The following ADARB1 variants were observed in gnomAD, a reference collection of about 807,000 sequenced individuals.
The protein encoded by ADARB1 is adenosine deaminase RNA specific B1, also known as double-stranded RNA-specific editase 1.
A neutral mutation model predicts 52.4 loss-of-function variants in ADARB1; 10 were observed. The ratio of observed to expected loss-of-function variants is 0.19; its 90% CI spans 0.12 to 0.32. The LOEUF is 0.32. ADARB1 is among the 10% of genes least tolerant of loss of function. The pLI, the probability that ADARB1 is intolerant of heterozygous loss-of-function variation, is 1.00. For missense variants in ADARB1, 643 were observed against 922.3 expected (o/e 0.70, Z 3.92); for synonymous variants, 349 against 371.1 (o/e 0.94, Z 0.68).
In ADARB1 at chr21:45,200,327, G is replaced by T. The variant is rs1345482438; in HGVS notation, c.1566-4228G>T. Among the ~76,000 whole-genome samples the T allele has an allele frequency of 6.6e-6, 1 of 152,220 alleles. No homozygotes were observed. Among genetic ancestry groups the T allele is most frequent in the Non-Finnish European group, 1.5e-5 (1 of 68,028 alleles). ...TGCAGCCCCAGAGAGTTGTCCACAAGACCATGGGGTGAGAGGCTCCCATGG... is the reference window on the plus strand; with the variant it reads ...TGCAGCCCCAGAGAGTTGTCCACAATACCATGGGGTGAGAGGCTCCCATGG... On this transcript the variant is annotated intron_variant, in intron 8 of 10. Transcript: ENST00000348831. This position sits in a 1 kb window ranked among gnomAD's most constrained non-coding sequence, Gnocchi z 5.0.
chr21:45,205,686 A>G (rs1159371538), intron 9 of ADARB1, among the ~76,000 whole-genome samples: 1 of 152,234 alleles, frequency 6.6e-6, no homozygotes, highest in Non-Finnish European at 1.5e-5. Context: ...AGTAAAGTGA[A>G]CAGGAGCTTT....
intron 2 of ADARB1, among the ~76,000 whole-genome samples, chr21:45,153,529 T>C (rs1189607207): frequency 6.6e-6 from 1 of 152,170 alleles, no homozygotes; most frequent in African/African-American, 2.4e-5. Flanking sequence ...CACAGGGCCC[T>C]TGGGACATGC....
chr21:45,182,460 G>C (rs1411095062), intron 5 of ADARB1, 125 bp from the exon 6 acceptor site: 1 of 1,024,128 alleles, frequency 9.8e-7, no homozygotes, highest in Non-Finnish European at 1.4e-6. Flanking sequence ...ATGAAGATGA[G>C]CTTGAAAAGT....
At position 45,225,633 on chromosome 21, in the gene ADARB1, G is replaced by C; in HGVS notation, c.*3436G>C. 8.2e-7 allele frequency: 1 copy of C among 1,213,374 alleles called. No homozygotes were observed. Among genetic ancestry groups the C allele is most frequent in the Non-Finnish European group, 1.1e-6 (1 of 931,148 alleles). 75.2% of individuals were successfully genotyped at this position (1,213,374 alleles called of 1,614,324 possible). A position where few individuals can be genotyped will look rare whatever the true frequency, so the allele number is the denominator to read the frequency against. ...CGAAGCTGTGGAGACTGCACATCCG[G>C]ACCTGCCCATGTCTCAAAACAAACA... On this transcript the variant is annotated 3_prime_UTR_variant, in exon 11 of 11. Coordinates refer to ENST00000348831, the MANE Select transcript of ADARB1 (RefSeq NM_001112.4).
chr21:45,095,517 G>C (rs1309733777), intron 1 of ADARB1, among the ~76,000 whole-genome samples: 1 of 152,138 alleles, frequency 6.6e-6, no homozygotes. Context: ...GTTTCCCGAG[G>C]CTTCTGTCTC....
chr21:45,201,691 A>G (rs2092556762), intron 8 of ADARB1, among the ~76,000 whole-genome samples: 2 of 152,220 alleles, frequency 1.3e-5, no homozygotes, highest in Non-Finnish European at 2.9e-5. Flanking sequence ...GTCAGTAAAG[A>G]AAGCAGACAG....
rs915416878 is a variant in ADARB1, at chr21:45,176,813, T to C, written c.963+149T>C. The C allele has an allele frequency of 2.1e-6, 2 of 956,656 alleles. No individual in the cohort carries two copies. The highest frequency in any genetic ancestry group is 2.7e-5 in the East Asian group (1 of 37,708). 59.3% of individuals were successfully genotyped at this position (956,656 alleles called of 1,614,324 possible). On this transcript the variant is annotated intron_variant, in intron 4 of 10. Transcript: ENST00000348831. The surrounding 1 kb of genome is among the most constrained non-coding windows in gnomAD (Gnocchi z 5.8). ...AGGAGTTACTGGTAAGTCTGGCTGC[T>C]TGATTTCCATGGCCATGTGGCCACT...
intron 1 of ADARB1, among the ~76,000 whole-genome samples, chr21:45,104,135 G>A (rs932255117): frequency 7.2e-5 from 11 of 152,272 alleles, no homozygotes; most frequent in African/African-American, 2.2e-4. Flanking sequence ...TCCCTTCAGC[G>A]GGGTAGGCCT....
intron 2 of ADARB1, among the ~76,000 whole-genome samples, chr21:45,149,914 G>A (rs570313494): frequency 3.2e-4 from 49 of 152,340 alleles, no homozygotes; most frequent in African/African-American, 1.1e-3. Context: ...ACATGGCCAC[G>A]AAGTCTAAAG....
At chr21:45,149,880 A>G (rs1278771340) in intron 2 of ADARB1, among the ~76,000 whole-genome samples, 1 of 152,244 alleles carries the variant, frequency 6.6e-6, no homozygotes, top group Non-Finnish European at 1.5e-5. Flanking sequence ...AAGAGTTGTT[A>G]AAAAATAAAA....
At chr21:45,131,922 T>C (rs1246594617) in intron 2 of ADARB1, among the ~76,000 whole-genome samples, 1 of 152,198 alleles carries the variant, frequency 6.6e-6, no homozygotes, top group African/African-American at 2.4e-5. Context: ...GCGGGGCTCT[T>C]CTCTGTGTGG....
intron 8 of ADARB1, among the ~76,000 whole-genome samples, chr21:45,199,667 T>C (rs1021519797): frequency 1.3e-5 from 2 of 152,162 alleles, no homozygotes; most frequent in South Asian, 2.1e-4. Context: ...ACCCCAATTA[T>C]AAAGAAAAGT....
chr21:45,225,730 A>C lies in ADARB1; in HGVS notation c.*3533A>C. 2.0e-6 allele frequency: 1 copy of C among 492,248 alleles called. No homozygotes were observed. 30.5% of individuals were successfully genotyped at this position (492,248 alleles called of 1,614,324 possible). On this transcript the variant is annotated 3_prime_UTR_variant, in exon 11 of 11. Transcript: ENST00000348831. Reference sequence around the variant, plus strand: ...CAGGTGGTCTGCCCCAGGCATAAAGAAGGAAAATTGGCCATCTTTCCCACC... The same window carrying C: ...CAGGTGGTCTGCCCCAGGCATAAAGCAGGAAAATTGGCCATCTTTCCCACC...
At chr21:45,160,315 T>C (rs2090898251) in intron 2 of ADARB1, among the ~76,000 whole-genome samples, 1 of 152,258 alleles carries the variant, frequency 6.6e-6, no homozygotes, top group Non-Finnish European at 1.5e-5. Context: ...GCCGCTGCAG[T>C]GGGAGGGCTT....
chr21:45,159,440 A>G (rs1272384870), intron 2 of ADARB1, among the ~76,000 whole-genome samples: 1 of 152,202 alleles, frequency 6.6e-6, no homozygotes, highest in Non-Finnish European at 1.5e-5. Flanking sequence ...CAGCCAAACT[A>G]TATCATCATC....
intron 2 of ADARB1, among the ~76,000 whole-genome samples, chr21:45,165,680 G>A (rs187971018): frequency 2.0e-5 from 3 of 152,322 alleles, no homozygotes; most frequent in Admixed American, 6.5e-5. Flanking sequence ...TCGTTCAAAT[G>A]ATGTAAGAGG....
chr21:45,090,373 G>GT (rs1338702691), intron 1 of ADARB1, among the ~76,000 whole-genome samples: 4 of 151,824 alleles, frequency 2.6e-5, no homozygotes, highest in African/African-American at 9.7e-5. Flanking sequence ...TTTTCATGTA[G>GT]TTTACATGCT....
chr21:45,118,975 C>G (rs1311536394), intron 1 of ADARB1, among the ~76,000 whole-genome samples: 1 of 152,174 alleles, frequency 6.6e-6, no homozygotes, highest in East Asian at 1.9e-4. Flanking sequence ...TAGCACCGTG[C>G]ACTATTATGG....
At chr21:45,148,329 A>G (rs936643964) in intron 2 of ADARB1, among the ~76,000 whole-genome samples, 1 of 152,206 alleles carries the variant, frequency 6.6e-6, no homozygotes, top group Non-Finnish European at 1.5e-5. Context: ...CGTGGGTGTC[A>G]GGCTGGCCCT....
Sources: allele counts gnomAD v4.1 joint callset (sites outside exome capture counted in the v4.1 genomes callset), GRCh38; gene constraint gnomAD v4.1.1; non-coding constraint Gnocchi (gnomAD v3.1); transcripts MANE v1.5; gene names NCBI Gene and HGNC (gene_info 2026-07-23, HGNC 2026-07-21).